Variants in UPF3A observed in about 807,000 individuals in gnomAD.
UPF3A encodes regulator of nonsense transcripts 3A.
A neutral mutation model predicts 53.5 loss-of-function variants in UPF3A; 42 were observed. That is an observed-to-expected ratio of 0.78 (90% CI 0.61 to 1.01). UPF3A has a LOEUF of 1.01. Ranked by LOEUF, UPF3A falls within the 50% of genes least tolerant of loss-of-function variation. The probability of loss-of-function intolerance (pLI) is 0.00; values close to 1 mark genes in which losing one functional copy is unlikely to be tolerated. For synonymous variants in UPF3A, 237 were observed against 225.3 expected (o/e 1.05, Z -0.47); for missense variants, 575 against 598.0 (o/e 0.96, Z 0.40).
chr13:114,286,699 C>T (rs968454658), intron 5 of UPF3A, 70 bp downstream of exon 5: 130 of 1,278,696 alleles, frequency 1.0e-4, no homozygotes, highest in Non-Finnish European at 1.3e-4. Context: ...CGTTTTTTCT[C>T]TTTTTCTTGA....
In UPF3A at chr13:114,286,314, C is replaced by T. The variant is rs1162658709; in HGVS notation, c.434C>T (p.Pro145Leu). 2 of 1,613,966 alleles carry T rather than the reference C, an allele frequency of 1.2e-6. No individual in the cohort carries two copies. Among genetic ancestry groups the T allele is most frequent in the Non-Finnish European group, 1.7e-6 (2 of 1,179,974 alleles). The change falls in exon 4 of 10, where the codon CCT (proline) becomes CTT (leucine). Residue 145 changes from proline (P) to leucine (L), a missense_variant. Physicochemically the swap from Pro to Leu is moderately conservative, Grantham distance 98. Transcript: ENST00000375299. ...TTCCTGTTAAAAGGCCTAGAATATC[C>T]TGCAGTGGTAGAGTTTGCTCCATTC... ...IFLDSKGLEY[P>L]AVVEFAPFQK...
At chr13:114,299,826 G>A (rs1292010963) in intron 8 of UPF3A, among the ~76,000 whole-genome samples, 4 of 152,230 alleles carry the variant, frequency 2.6e-5, no homozygotes, top group Non-Finnish European at 4.4e-5. Context: ...AGGGCCACTT[G>A]GCCCACAGGG....
rs777716747 is a variant in UPF3A at position 114,305,048 on chromosome 13, C to T, written c.*131C>T. ...TGGAAGCTAAAAATACAGAGGGTGACGTAGAAACACGCAGAAACCATTCTA... is the reference window on the plus strand; with the variant it reads ...TGGAAGCTAAAAATACAGAGGGTGATGTAGAAACACGCAGAAACCATTCTA... On this transcript the variant is annotated 3_prime_UTR_variant, in exon 10 of 10. Coordinates refer to ENST00000375299, the MANE Select transcript of UPF3A (RefSeq NM_023011.4). 1.6e-5 allele frequency: 19 copies of T among 1,209,048 alleles called. No individual in the cohort carries two copies. Among genetic ancestry groups the T allele is most frequent in the African/African-American group, 9.2e-5 (6 of 65,430 alleles). The allele number at this position is 1,209,048 out of a possible 1,614,324, so 74.9% of individuals were successfully genotyped here. A position where few individuals can be genotyped will look rare whatever the true frequency, so the allele number is the denominator to read the frequency against.
At chr13:114,296,193 G>C (rs2139310756) in intron 7 of UPF3A, among the ~76,000 whole-genome samples, 1 of 152,308 alleles carries the variant, frequency 6.6e-6, no homozygotes, top group Non-Finnish European at 1.5e-5. Flanking sequence ...GACCAGCCTG[G>C]CTAATATGGT....
intron 2 of UPF3A, chr13:114,282,329 T>G: frequency 5.3e-6 from 5 of 935,400 alleles, no homozygotes; most frequent in Non-Finnish European, 7.5e-6. Context: ...GTGGTTTACA[T>G]GAAAAATGCG....
At chr13:114,297,224 T>A (rs1464130428) in intron 7 of UPF3A, among the ~76,000 whole-genome samples, 8 of 150,038 alleles carry the variant, frequency 5.3e-5, no homozygotes, top group Non-Finnish European at 1.0e-4. Flanking sequence ...GTGCTTCCGT[T>A]TTTTTTTTTT....
chr13:114,289,701 C>T (rs2085089355), intron 5 of UPF3A, among the ~76,000 whole-genome samples: 1 of 152,048 alleles, frequency 6.6e-6, no homozygotes, highest in Admixed American at 6.6e-5. Context: ...GGTGCATCGG[C>T]CTTTAGCATC....
At position 114,281,627 on chromosome 13, in the gene UPF3A, C is replaced by G. The variant is rs754502053; in HGVS notation, c.-13C>G. 2.1e-6 allele frequency: 3 copies of G among 1,425,938 alleles called. No individual in the cohort carries two copies. Among genetic ancestry groups the G allele is most frequent in the Non-Finnish European group, 2.8e-6 (3 of 1,090,346 alleles). 88.3% of individuals were successfully genotyped at this position (1,425,938 alleles called of 1,614,324 possible). A position where few individuals can be genotyped will look rare whatever the true frequency, so the allele number is the denominator to read the frequency against. ...TCGGGGGCTGGCGGCTGCGGCTCGG[C>G]GGAGAGTGCGGCATGCGCTCGGAAA... On this transcript the variant is annotated 5_prime_UTR_variant, in exon 1 of 10. Transcript: ENST00000375299.
intron 7 of UPF3A, 49 bp downstream of exon 7, chr13:114,291,841 T>G: frequency 6.5e-7 from 1 of 1,530,136 alleles, no homozygotes; most frequent in Non-Finnish European, 8.8e-7. Context: ...TCTGCTATAG[T>G]AATTACACTT....
chr13:114,290,924 G>A lies in UPF3A; in HGVS notation c.632-565G>A, dbSNP rs185535143. 8.2e-3 allele frequency among the ~76,000 whole-genome samples: 1,249 copies of A among 151,572 alleles called. 14 individuals are homozygous for A. The highest frequency in any genetic ancestry group is 0.016 in the Admixed American group (250 of 15,200). On this transcript the variant is annotated intron_variant, in intron 5 of 9. Coordinates refer to ENST00000375299, the MANE Select transcript of UPF3A (RefSeq NM_023011.4). ...AATTTTGTATTTTTTCAGTAGAGAC[G>A]GGGTTTCCTTAGGTTGGTCAGGCTG...
chr13:114,286,602 A>G lies in UPF3A; in HGVS notation c.604A>G (p.Met202Val). 1 of 1,613,432 alleles carries G rather than the reference A, an allele frequency of 6.2e-7. No individual in the cohort carries two copies. The highest frequency in any genetic ancestry group is 8.5e-7 in the Non-Finnish European group (1 of 1,179,720). ...SANPETLLGE[M>V]EAKTRELIAR... ...CAACCCTGAGACTCTGCTGGGGGAG[A>G]TGGAGGCGAAGACAAGAGAGCTCAT... The change falls in exon 5 of 10, where the codon ATG becomes GTG. Residue 202 changes from methionine (M) to valine (V), a missense_variant. Met to Val is a conservative substitution (Grantham distance 21). Around this residue, in one of 2 missense-constraint regions of UPF3A, gnomAD observed 323 missense variants for 415.2 expected, o/e 0.78. Coordinates refer to ENST00000375299, the MANE Select transcript of UPF3A (RefSeq NM_023011.4).
chr13:114,289,821 G>A (rs1337546459), intron 5 of UPF3A, among the ~76,000 whole-genome samples: 2 of 152,146 alleles, frequency 1.3e-5, no homozygotes, highest in African/African-American at 2.4e-5. Context: ...TTTATGATGT[G>A]TAGAACACTT....
intron 5 of UPF3A, among the ~76,000 whole-genome samples, chr13:114,288,427 G>C (rs1235561594): frequency 6.6e-6 from 1 of 152,220 alleles, no homozygotes; most frequent in African/African-American, 2.4e-5. Flanking sequence ...GCCTGGCCGT[G>C]CTGAGCAGTG....
chr13:114,298,980 G>T lies in UPF3A; in HGVS notation c.987G>T (p.Ser329=). Residue 329 remains serine (S), a synonymous_variant, in exon 8 of 10, where the codon TCG becomes TCT. Transcript: ENST00000375299. The part of the protein sequence containing the change: ...AVVKARPMEG[S]LEEPQETSHS... ...TAAAAGCCAGGCCCATGGAAGGCTC[G>T]CTGGAGGAGCCCCAGGAGACGTGAG... is the stretch of plus-strand genomic sequence containing the variant. 2 of 1,601,666 alleles carry T rather than the reference G, an allele frequency of 1.2e-6. No homozygotes were observed. The highest frequency in any genetic ancestry group is 1.7e-6 in the Non-Finnish European group (2 of 1,176,240).
At chr13:114,290,669 G>A (rs978498498) in intron 5 of UPF3A, among the ~76,000 whole-genome samples, 5 of 151,812 alleles carry the variant, frequency 3.3e-5, no homozygotes, top group African/African-American at 9.7e-5. Flanking sequence ...TTCCCTAGTA[G>A]TTGGTGCCTT....
intron 7 of UPF3A, among the ~76,000 whole-genome samples, chr13:114,297,897 A>C (rs944803993): frequency 6.6e-6 from 1 of 152,236 alleles, no homozygotes; most frequent in African/African-American, 2.4e-5. Context: ...AGTCCTGGCT[A>C]TTCAGGAGGC....
Position 114,305,232 on chromosome 13 carries a change from A to G in UPF3A, c.*315A>G, listed in dbSNP as rs2086927795. On this transcript the variant is annotated 3_prime_UTR_variant, in exon 10 of 10. Transcript: ENST00000375299. ...TAGGGAAGAAAGTTAGTATTGGATCAGTGTGAGTCCTGAAGCACTTTCAGT... is the reference window on the plus strand; with the variant it reads ...TAGGGAAGAAAGTTAGTATTGGATCGGTGTGAGTCCTGAAGCACTTTCAGT... The G allele has an allele frequency of 2.8e-6, 1 of 351,032 alleles. No individual in the cohort carries two copies. The highest frequency in any genetic ancestry group is 5.6e-6 in the Non-Finnish European group (1 of 180,024). 21.7% of individuals were successfully genotyped at this position (351,032 alleles called of 1,614,324 possible).
At position 114,294,984 on chromosome 13, in the gene UPF3A, A is replaced by C. The variant is rs867450216; in HGVS notation, c.846+3192A>C. On this transcript the variant is annotated intron_variant, in intron 7 of 9. Transcript: ENST00000375299. ...AAAATTAGCTGGGCGTGGTGGCGGG[A>C]GCCTGTAGTCCCAGCTACTTGGAAG... Among the ~76,000 whole-genome samples the C allele has an allele frequency of 5.0e-4, 74 of 148,030 alleles. 1 individual carries two copies. The highest frequency in any genetic ancestry group is 7.3e-3 in the Middle Eastern group (2 of 274).
rs539384185 is a variant in UPF3A at position 114,299,092 on chromosome 13, T to C, written c.1007+92T>C. 2.3e-5 allele frequency: 30 copies of C among 1,325,672 alleles called. No homozygotes were observed. In the South Asian group the frequency reaches 5.5e-4, roughly 24 times the overall value. The allele number at this position is 1,325,672 out of a possible 1,614,324, so 82.1% of individuals were successfully genotyped here. On this transcript the variant is annotated intron_variant, in intron 8 of 9. Coordinates refer to ENST00000375299, the MANE Select transcript of UPF3A (RefSeq NM_023011.4). ...TGAGTATGCCTATTTCACACTGTTC[T>C]TGGAATCCAAGACTTTCCAGGGTGT... is the stretch of plus-strand genomic sequence containing the variant.
Sources: allele counts gnomAD v4.1 joint callset (sites outside exome capture counted in the v4.1 genomes callset), GRCh38; gene constraint gnomAD v4.1.1; regional missense constraint gnomAD v4.1.1; transcripts MANE v1.5; gene names NCBI Gene and HGNC (gene_info 2026-07-23, HGNC 2026-07-21).